Variants in TNR observed in about 807,000 individuals in gnomAD.
TNR encodes the protein tenascin-R.
In TNR, 45 loss-of-function variants were observed where a neutral mutation model predicts 150.4. The observed-to-expected ratio is 0.30, with a 90% CI of 0.24 to 0.38. The LOEUF (loss-of-function observed/expected upper bound fraction) is 0.38, where lower values mean the gene tolerates loss of function less well. TNR is among the 10% of genes least tolerant of loss of function. The pLI, the probability that TNR is intolerant of heterozygous loss-of-function variation, is 1.00. For synonymous variants in TNR, 687 were observed against 678.4 expected, an observed-to-expected ratio of 1.01 and a Z score of -0.20; for missense variants, 1,544 against 1,759.1, an observed-to-expected ratio of 0.88 and a Z score of 2.19.
At chr1:175,431,229 C>T (rs988001592) in intron 2 of TNR, among the ~76,000 whole-genome samples, 3 of 152,188 alleles carry the variant, frequency 2.0e-5, no homozygotes, top group Non-Finnish European at 4.4e-5. Context: ...AAATCCGAAC[C>T]TGAATCCTTT....
chr1:175,385,328 C>T (rs529172737), intron 8 of TNR, among the ~76,000 whole-genome samples: 24 of 152,326 alleles, frequency 1.6e-4, no homozygotes, highest in African/African-American at 5.8e-4. Context: ...GAGCAAGTCA[C>T]CCCGAGGTCT....
chr1:175,437,031 T>C (rs1417846764), intron 2 of TNR, among the ~76,000 whole-genome samples: 1 of 152,190 alleles, frequency 6.6e-6, no homozygotes, highest in Non-Finnish European at 1.5e-5. Flanking sequence ...GTGGACCTAA[T>C]AGACATCTAC....
chr1:175,645,007 G>A (rs1664769481), intron 1 of TNR, among the ~76,000 whole-genome samples: 1 of 152,164 alleles, frequency 6.6e-6, no homozygotes. Flanking sequence ...ATTAGTCAAT[G>A]ATGAAATGAA....
intron 1 of TNR, among the ~76,000 whole-genome samples, chr1:175,740,663 A>G (rs560938060): frequency 5.9e-5 from 9 of 152,246 alleles, no homozygotes; most frequent in Non-Finnish European, 1.3e-4. Flanking sequence ...ATGGCCAGGA[A>G]TGCTGCAGAA....
At chr1:175,439,458 G>A (rs1655678344) in intron 2 of TNR, among the ~76,000 whole-genome samples, 1 of 151,994 alleles carries the variant, frequency 6.6e-6, no homozygotes, top group Non-Finnish European at 1.5e-5. Context: ...TCAGGACATA[G>A]GCATGGGCAA....
At chr1:175,340,019 G>T (rs185929589) in intron 18 of TNR, among the ~76,000 whole-genome samples, 1 of 152,320 alleles carries the variant, frequency 6.6e-6, no homozygotes, top group Admixed American at 6.5e-5. Flanking sequence ...GACAAGGGGA[G>T]TTTTGAATAC....
At position 175,695,957 on chromosome 1, in the gene TNR, G is replaced by A. The variant is rs75442211; in HGVS notation, c.-165+47269C>T. 7.2e-3 allele frequency among the ~76,000 whole-genome samples: 1,079 copies of A among 150,870 alleles called. 14 individuals carry two copies. Among genetic ancestry groups the A allele is most frequent in the African/African-American group, 0.025 (1,032 of 40,556 alleles). ...TAATTGTTGGATGGATGGAAGGATG[G>A]ATGCATGGATGCATGGACAGATGGA... On this transcript the variant is annotated intron_variant, in intron 1 of 22. Coordinates refer to ENST00000367674, the MANE Select transcript of TNR (RefSeq NM_003285.3).
intron 2 of TNR, among the ~76,000 whole-genome samples, chr1:175,458,241 T>A (rs953913268): frequency 1.3e-5 from 2 of 152,238 alleles, no homozygotes; most frequent in Non-Finnish European, 2.9e-5. Flanking sequence ...TATGCTCAAA[T>A]TAATGTTATG....
intron 2 of TNR, among the ~76,000 whole-genome samples, chr1:175,460,206 G>A (rs1246958552): frequency 6.6e-6 from 1 of 152,084 alleles, no homozygotes; most frequent in African/African-American, 2.4e-5. Flanking sequence ...GCCTTGCTCT[G>A]GGCTCCTAGA....
intron 7 of TNR, among the ~76,000 whole-genome samples, chr1:175,389,738 G>T (rs114291336): frequency 0.013 from 2,024 of 152,282 alleles, 38 homozygotes; most frequent in African/African-American, 0.046. Context: ...TATGATGGGT[G>T]AGCAAGGGCA....
intron 1 of TNR, among the ~76,000 whole-genome samples, chr1:175,616,327 T>A (rs943073147): frequency 6.6e-6 from 1 of 152,174 alleles, no homozygotes; most frequent in Non-Finnish European, 1.5e-5. Flanking sequence ...CATGCAGGCA[T>A]TACAGCCCTC....
chr1:175,495,849 C>T (rs146486136), intron 2 of TNR, among the ~76,000 whole-genome samples: 164 of 152,322 alleles, frequency 1.1e-3, no homozygotes, highest in African/African-American at 3.6e-3. Flanking sequence ...CAATAATCCT[C>T]GCACACTCAA....
At chr1:175,495,455 C>G (rs531998388) in intron 2 of TNR, among the ~76,000 whole-genome samples, 7 of 152,292 alleles carry the variant, frequency 4.6e-5, no homozygotes, top group African/African-American at 1.7e-4. Context: ...AAGATGATCC[C>G]TGCTATCCAG....
intron 15 of TNR, 31 bp from the exon 16 acceptor site, chr1:175,356,493 A>G: frequency 6.2e-7 from 1 of 1,612,636 alleles, no homozygotes; most frequent in Non-Finnish European, 8.5e-7. Context: ...ATAAGGGTTG[A>G]ATAAGGCTAC....
Position 175,367,267 on chromosome 1 carries a change from C to T in TNR, c.1994G>A (p.Gly665Glu). Residue 665 changes from glycine (G) to glutamate (E), a missense_variant, in exon 10 of 23, where the codon GGA (glycine) becomes GAA (glutamate). Gly to Glu is a moderately conservative substitution (Grantham distance 98, BLOSUM62 -2). This residue lies in a region of TNR where 1,254 missense variants were observed against 1,329.4 expected (regional missense o/e 0.94). Transcript: ENST00000367674. ...DLVPGTEYGVGISAVMNSQQS... is the reference protein window; with the variant it reads ...DLVPGTEYGVEISAVMNSQQS... The stretch of plus-strand genomic sequence containing the variant: ...CTGTGAGTTCATGACGGCAGATATT[C>T]CAACTCCATACTCAGTGCCAGGTAC... The T allele has an allele frequency of 6.2e-7, 1 of 1,614,124 alleles. No individual in the cohort carries two copies. The highest frequency in any genetic ancestry group is 8.5e-7 in the Non-Finnish European group (1 of 1,180,002).
At chr1:175,543,577 C>T (rs1557997018) in intron 1 of TNR, among the ~76,000 whole-genome samples, 1 of 152,128 alleles carries the variant, frequency 6.6e-6, no homozygotes, top group Non-Finnish European at 1.5e-5. Flanking sequence ...TTATCCCTTC[C>T]TTTAATATGC....
At chr1:175,373,349 T>C (rs12730963) in intron 9 of TNR, among the ~76,000 whole-genome samples, 8,262 of 152,298 alleles carry the variant, frequency 0.054, 320 homozygotes, top group Middle Eastern at 0.18. Flanking sequence ...GAGAATATCT[T>C]TGGAGAGCCC....
chr1:175,682,517 C>T (rs1666066175), intron 1 of TNR, among the ~76,000 whole-genome samples: 1 of 152,076 alleles, frequency 6.6e-6, no homozygotes, highest in Non-Finnish European at 1.5e-5. Context: ...ACTTTATATT[C>T]AGTCCACTGG....
At chr1:175,674,068 G>A (rs1177063781) in intron 1 of TNR, among the ~76,000 whole-genome samples, 6 of 152,186 alleles carry the variant, frequency 3.9e-5, no homozygotes, top group Non-Finnish European at 8.8e-5. Context: ...AGGAAACAAG[G>A]GAGAAGGATA....
Sources: gnomAD v4.1 joint callset for allele counts (sites outside exome capture counted in the v4.1 genomes callset) on GRCh38, gnomAD v4.1.1 for gene constraint, gnomAD v4.1.1 regional missense constraint, MANE v1.5 for transcripts, NCBI Gene and HGNC (gene_info 2026-07-23, HGNC 2026-07-21) for gene names.